The following TRIO variants were observed in gnomAD, a reference collection of about 807,000 sequenced individuals.
TRIO encodes the protein triple functional domain protein.
A neutral mutation model predicts 351.9 loss-of-function variants in TRIO; 58 were observed. That is an observed-to-expected ratio of 0.16 (90% CI 0.13 to 0.21). The LOEUF is 0.21. TRIO is among the 10% of genes least tolerant of loss of function. The pLI is 1.00. For synonymous variants in TRIO, 1,758 were observed against 1,595.7 expected, an observed-to-expected ratio of 1.10 and a Z score of -2.42; for missense variants, 3,201 against 4,027.8, an observed-to-expected ratio of 0.79 and a Z score of 5.56.
rs760365392 is a variant in TRIO at position 14,479,899 on chromosome 5, T to C, written c.6244-20T>C. On this transcript the variant is annotated intron_variant, in intron 42 of 56. Transcript: ENST00000344204. ...TTAATGAACAGCCCATACGATCTTT[T>C]CTCTCTCTTAAAACTGTAGGACTTA... 1 of 1,612,684 alleles carries C rather than the reference T, an allele frequency of 6.2e-7. No individual in the cohort carries two copies. Among genetic ancestry groups the C allele is most frequent in the Admixed American group, 1.7e-5 (1 of 59,996 alleles).
chr5:14,367,684 C>A (rs1744720145), intron 16 of TRIO, among the ~76,000 whole-genome samples: 1 of 151,958 alleles, frequency 6.6e-6, no homozygotes, highest in African/African-American at 2.4e-5. Context: ...GGAAAAAGAA[C>A]ATTTGATTAC....
intron 1 of TRIO, among the ~76,000 whole-genome samples, chr5:14,256,357 G>A (rs1301144177): frequency 6.6e-6 from 1 of 152,136 alleles, no homozygotes. Context: ...CAGCATGGGA[G>A]GTCACATTTC....
At chr5:14,218,612 GGCTGC>G (rs1451807453) in intron 1 of TRIO, among the ~76,000 whole-genome samples, 1 of 152,244 alleles carries the variant, frequency 6.6e-6, no homozygotes, top group Non-Finnish European at 1.5e-5. Flanking sequence ...CCCTGGGCGA[GGCTGC>G]GCAGTGGGGC....
intron 34 of TRIO, among the ~76,000 whole-genome samples, chr5:14,430,683 CGTTTT>C (rs1561482818): frequency 1.0e-5 from 1 of 95,408 alleles, no homozygotes; most frequent in African/African-American, 3.0e-5. Flanking sequence ...CAGTGAATTT[CGTTTT>C]ATTTTATTTT....
At chr5:14,217,948 T>C (rs2152203802) in intron 1 of TRIO, among the ~76,000 whole-genome samples, 1 of 152,344 alleles carries the variant, frequency 6.6e-6, no homozygotes, top group South Asian at 2.1e-4. Flanking sequence ...CATACATGGT[T>C]GAAATCAAGC....
chr5:14,161,561 C>G (rs1292103211), intron 1 of TRIO, among the ~76,000 whole-genome samples: 1 of 152,070 alleles, frequency 6.6e-6, no homozygotes, highest in Non-Finnish European at 1.5e-5. Flanking sequence ...CAGAGCAGTC[C>G]CCAGGTAGAA....
At chr5:14,405,616 G>A (rs1254308023) in intron 31 of TRIO, among the ~76,000 whole-genome samples, 3 of 152,188 alleles carry the variant, frequency 2.0e-5, no homozygotes, top group Non-Finnish European at 4.4e-5. Context: ...TATTGCAATA[G>A]TCAGAGATCT....
chr5:14,280,153 C>T (rs770366550), intron 2 of TRIO, among the ~76,000 whole-genome samples, 169 bp from the exon 3 acceptor site: 4 of 152,198 alleles, frequency 2.6e-5, no homozygotes, highest in Non-Finnish European at 5.9e-5. Context: ...CTCCCAGATC[C>T]CCTGAAGGGA....
chr5:14,485,196 G>A lies in TRIO; in HGVS notation c.6785G>A (p.Trp2262Ter). The A allele has an allele frequency of 6.3e-7, 1 of 1,586,012 alleles. No homozygotes were observed. Among genetic ancestry groups the A allele is most frequent in the Non-Finnish European group, 8.6e-7 (1 of 1,158,308 alleles). The change falls in exon 47 of 57, where the codon TGG becomes TAG. Residue 2262 changes from tryptophan to a stop codon, truncating the protein, a stop_gained. Coordinates refer to ENST00000344204, the MANE Select transcript of TRIO (RefSeq NM_007118.4). LOFTEE classifies it high-confidence loss of function. ...TCTAGTCCAAGTGTCCGGCAAACTT[G>A]GATCCATGAAATCAACCAAATTTTA... Reference protein sequence around the residue: ...HSSSPSVRQTWIHEINQILEN... With the variant: ...HSSSPSVRQT
chr5:14,310,597 G>T (rs1581590104), intron 8 of TRIO, among the ~76,000 whole-genome samples: 1 of 152,346 alleles, frequency 6.6e-6, no homozygotes, highest in East Asian at 1.9e-4. Flanking sequence ...AAAACACACA[G>T]CAAAATGAGT....
At chr5:14,334,378 A>G (rs920109631) in intron 10 of TRIO, among the ~76,000 whole-genome samples, 2 of 152,180 alleles carry the variant, frequency 1.3e-5, no homozygotes, top group African/African-American at 2.4e-5. Flanking sequence ...CAAGCACAAG[A>G]TTAAAAGGGA....
intron 20 of TRIO, among the ~76,000 whole-genome samples, chr5:14,380,617 G>GT (rs35491830): frequency 0.24 from 36,457 of 151,704 alleles, 4,784 homozygotes; most frequent in Middle Eastern, 0.37. Context: ...ACTATTTTTT[G>GT]TTTTTTTTGT....
intron 34 of TRIO, among the ~76,000 whole-genome samples, chr5:14,443,277 G>T (rs1161823377): frequency 6.6e-6 from 1 of 152,130 alleles, no homozygotes; most frequent in Non-Finnish European, 1.5e-5. Context: ...AACAAAAAAT[G>T]ATCACTTCAC....
At position 14,170,743 on chromosome 5, in the gene TRIO, G is replaced by A. The variant is rs371885593; in HGVS notation, c.157+26861G>A. Among the ~76,000 whole-genome samples the A allele has an allele frequency of 7.2e-5, 11 of 152,218 alleles. 1 individual carries two copies. The East Asian group carries it at 1.5e-3, about 21-fold the overall frequency. On this transcript the variant is annotated intron_variant, in intron 1 of 56. Transcript: ENST00000344204. ...GTGGTCTGGAACTCCTGACTTCAGT[G>A]ATCCTCTCGCCTTCGCTTCCCAAAG...
intron 33 of TRIO, among the ~76,000 whole-genome samples, chr5:14,414,728 C>T (rs1336983889): frequency 4.0e-5 from 6 of 149,828 alleles, no homozygotes; most frequent in Admixed American, 4.0e-4. Context: ...CACAATAGTC[C>T]TCCTCTTTTA....
chr5:14,201,856 T>C (rs1791130753), intron 1 of TRIO, among the ~76,000 whole-genome samples: 1 of 151,566 alleles, frequency 6.6e-6, no homozygotes, highest in African/African-American at 2.4e-5. Flanking sequence ...TACTTGGCTT[T>C]GACAGTTTCA....
rs1325593428 is a variant in TRIO at position 14,488,179 on chromosome 5, G to T, written c.7551G>T (p.Ala2517=). ...TCCAGCGGCAGACACCCCGCCACGCGGCCCCTGGCAAGGATACTGACCGCA... is the reference window on the plus strand; with the variant it reads ...TCCAGCGGCAGACACCCCGCCACGCTGCCCCTGGCAAGGATACTGACCGCA... The part of the protein sequence containing the change: ...DSLQRQTPRH[A]APGKDTDRMS... Residue 2517 remains alanine, a synonymous_variant, in exon 48 of 57, where the codon GCG becomes GCT. Coordinates refer to ENST00000344204, the MANE Select transcript of TRIO (RefSeq NM_007118.4). 1.9e-5 allele frequency: 31 copies of T among 1,601,342 alleles called. No homozygotes were observed. The highest frequency in any genetic ancestry group is 2.3e-5 in the Non-Finnish European group (27 of 1,178,918).
intron 1 of TRIO, among the ~76,000 whole-genome samples, chr5:14,207,779 T>G (rs1791637515): frequency 6.6e-6 from 1 of 152,042 alleles, no homozygotes. Context: ...AAATCATATA[T>G]CCAATAAAGG....
At chr5:14,400,555 T>A (rs1008897614) in intron 30 of TRIO, among the ~76,000 whole-genome samples, 1 of 152,226 alleles carries the variant, frequency 6.6e-6, no homozygotes, top group African/African-American at 2.4e-5. Context: ...TCATTTGCCC[T>A]CTGGGAAGCT....
Sources: gnomAD v4.1 joint callset for allele counts (sites outside exome capture counted in the v4.1 genomes callset) on GRCh38, gnomAD v4.1.1 for gene constraint, MANE v1.5 for transcripts, NCBI Gene and HGNC (gene_info 2026-07-23, HGNC 2026-07-21) for gene names.